ATP8B1: variants seen among roughly 807,000 people sequenced by gnomAD.
The protein encoded by ATP8B1 is phospholipid-transporting ATPase IC.
In ATP8B1, 80 loss-of-function variants were observed where a neutral mutation model predicts 149.9. The observed-to-expected ratio is 0.53, with a 90% CI of 0.45 to 0.64. ATP8B1 has a LOEUF of 0.64. Ranked by LOEUF, ATP8B1 falls within the 30% of genes least tolerant of loss-of-function variation. ATP8B1 has a pLI of 0.00. For synonymous variants in ATP8B1, 536 were observed against 562.8 expected (o/e 0.95, Z 0.67); for missense variants, 1,247 against 1,552.6 (o/e 0.80, Z 3.31).
intron 1 of ATP8B1, among the ~76,000 whole-genome samples, chr18:57,759,155 C>CAAAAAAAAAAAAAAAAAAAAAAAAAAA (rs566728161): frequency 2.1e-4 from 22 of 106,292 alleles, no homozygotes; most frequent in South Asian, 7.0e-4. Context: ...GATTCCATCT[C>CAAAAAAAAAAAAAAAAAAAAAAAAAAA]AAAAAAAAAA....
chr18:57,671,512 G>A lies in ATP8B1; in HGVS notation c.1888C>T (p.His630Tyr), dbSNP rs202100663. ...GADTVIYERL[H>Y]RMNPTKQETQ... ...TCTTGCTTAGTAGGATTCATTCGAT[G>A]TAACCGTTCATAAATAACAGTGTCA... Residue 630 changes from histidine (H) to tyrosine (Y), a missense_variant, in exon 17 of 28, where the codon CAT becomes TAT. This residue lies in a region of ATP8B1 where 853 missense variants were observed against 1,035.7 expected (regional missense o/e 0.82). Coordinates refer to ENST00000648908, the MANE Select transcript of ATP8B1 (RefSeq NM_001374385.1). The A allele has an allele frequency of 4.0e-5, 65 of 1,614,104 alleles. No individual in the cohort carries two copies. The African/African-American group carries it at 7.2e-4, about 18-fold the overall frequency.
At chr18:57,751,691 T>A (rs1413880052) in intron 1 of ATP8B1, among the ~76,000 whole-genome samples, 1 of 152,202 alleles carries the variant, frequency 6.6e-6, no homozygotes, top group Non-Finnish European at 1.5e-5. Context: ...AGGCTCTATC[T>A]GCTCTGACTG....
Position 57,661,440 on chromosome 18 carries a change from T to C in ATP8B1, c.2441A>G (p.Lys814Arg), listed in dbSNP as rs772076207. The C allele has an allele frequency of 1.9e-6, 3 of 1,613,342 alleles. No individual in the cohort carries two copies. The East Asian group carries it at 6.7e-5, about 36-fold the overall frequency. ...CTTCAGAATCTTATTTCTCTTGGTCTTTTTCTCGAGAAGAATTTCATTCTG... is the reference window on the plus strand; with the variant it reads ...CTTCAGAATCTTATTTCTCTTGGTCCTTTTCTCGAGAAGAATTTCATTCTG... ...SWLNEILLEK[K>R]TKRNKILKLK... The change falls in exon 22 of 28, where the codon AAG becomes AGG. Residue 814 changes from lysine (K) to arginine (R), a missense_variant. Physicochemically the swap from Lys to Arg is conservative, Grantham distance 26. Transcript: ENST00000648908.
chr18:57,697,542 A>G, intron 8 of ATP8B1, 76 bp downstream of exon 8: 1 of 1,509,066 alleles, frequency 6.6e-7, no homozygotes, highest in Non-Finnish European at 9.2e-7. Context: ...CGTCTGGTCC[A>G]CAATGCCCCG....
intron 1 of ATP8B1, among the ~76,000 whole-genome samples, chr18:57,797,804 T>C (rs2080530491): frequency 6.9e-6 from 1 of 144,282 alleles, no homozygotes; most frequent in African/African-American, 2.6e-5. Context: ...CCTCCCAGGC[T>C]CAAGCAATTC....
rs199868271 is a variant in ATP8B1, at chr18:57,697,718, C to T, written c.628-30G>A. ...CCAAAACAAAACACACAAATAACAC[C>T]GAGACCCTGAGGGAAAAGCCGAGCA... On this transcript the variant is annotated intron_variant, in intron 7 of 27. Transcript: ENST00000648908. 8.1e-6 allele frequency: 13 copies of T among 1,613,672 alleles called. No homozygotes were observed. The highest frequency in any genetic ancestry group is 4.5e-5 in the East Asian group (2 of 44,872).
chr18:57,738,346 G>A (rs548487440), intron 1 of ATP8B1, among the ~76,000 whole-genome samples: 4 of 152,282 alleles, frequency 2.6e-5, no homozygotes, highest in African/African-American at 7.2e-5. Context: ...GAAACAGACC[G>A]GATGCGGTGG....
Position 57,802,796 on chromosome 18 carries a change from G to T in ATP8B1, c.-26+202C>A, listed in dbSNP as rs1451115738. 1.3e-5 allele frequency among the ~76,000 whole-genome samples: 2 copies of T among 152,100 alleles called. No homozygotes were observed. The highest frequency in any genetic ancestry group is 1.3e-4 in the Admixed American group (2 of 15,280). On this transcript the variant is annotated intron_variant, in intron 1 of 27. Coordinates refer to ENST00000648908, the MANE Select transcript of ATP8B1 (RefSeq NM_001374385.1). This position sits in a 1 kb window ranked among gnomAD's most constrained non-coding sequence, Gnocchi z 4.9. ...CCTGCCCAGCCGGCCGTGTCTCGCC[G>T]TCCCCGAGGCCTCGGGGGCTCCCAG...
At chr18:57,736,040 T>C (rs941643802) in intron 1 of ATP8B1, among the ~76,000 whole-genome samples, 1 of 149,576 alleles carries the variant, frequency 6.7e-6, no homozygotes, top group Non-Finnish European at 1.5e-5. Context: ...GTTCTCATTG[T>C]TCAGCTCCTG....
intron 1 of ATP8B1, among the ~76,000 whole-genome samples, chr18:57,754,675 A>G (rs1325336845): frequency 6.6e-6 from 1 of 152,164 alleles, no homozygotes; most frequent in African/African-American, 2.4e-5. Context: ...ACATCACCAA[A>G]TTGACACTTC....
At chr18:57,764,306 CTTCTTTCTTTCTTTCTTT>C (rs1316494185) in intron 1 of ATP8B1, among the ~76,000 whole-genome samples, 18 of 149,100 alleles carry the variant, frequency 1.2e-4, no homozygotes, top group Admixed American at 2.7e-4. Context: ...TTCTTCCTTC[CTTCTTTCTTTCTTTCTTT>C]TTCTTTCTTT....
At chr18:57,672,965 C>G (rs1158314003) in intron 16 of ATP8B1, among the ~76,000 whole-genome samples, 9,249 of 33,160 alleles carry the variant, frequency 0.28, 1,627 homozygotes, top group Middle Eastern at 0.55. Context: ...ATACATATAT[C>G]TACATATATA....
chr18:57,767,633 C>G (rs1599216398), intron 1 of ATP8B1, among the ~76,000 whole-genome samples: 1 of 152,054 alleles, frequency 6.6e-6, no homozygotes, highest in Non-Finnish European at 1.5e-5. Context: ...ACTAAAATAA[C>G]AAAAAATTAA....
At chr18:57,746,100 C>T (rs1292151735) in intron 1 of ATP8B1, among the ~76,000 whole-genome samples, 1 of 152,182 alleles carries the variant, frequency 6.6e-6, no homozygotes, top group Non-Finnish European at 1.5e-5. Context: ...ATAACTGCAG[C>T]TTTGTAAATA....
chr18:57,710,393 T>G (rs1422387310), intron 2 of ATP8B1, among the ~76,000 whole-genome samples: 2 of 151,896 alleles, frequency 1.3e-5, no homozygotes, highest in Non-Finnish European at 2.9e-5. Context: ...CTCTCCAGAG[T>G]GTTCCCATGA....
chr18:57,794,796 GAAAGA>G (rs2080495906), intron 1 of ATP8B1, among the ~76,000 whole-genome samples: 1 of 67,180 alleles, frequency 1.5e-5, no homozygotes, highest in South Asian at 4.2e-4. Flanking sequence ...GCCTCAAAAA[GAAAGA>G]AAGAAAGAAA....
intron 2 of ATP8B1, among the ~76,000 whole-genome samples, chr18:57,729,174 G>A (rs192361766): frequency 2.4e-4 from 37 of 152,186 alleles, no homozygotes; most frequent in African/African-American, 7.2e-4. Flanking sequence ...CACTACATGC[G>A]TCTCTGACAT....
intron 1 of ATP8B1, among the ~76,000 whole-genome samples, chr18:57,748,325 A>G (rs981372807): frequency 3.3e-5 from 5 of 152,238 alleles, no homozygotes; most frequent in African/African-American, 1.2e-4. Flanking sequence ...AGGGGTAACC[A>G]GAATAAAATC....
chr18:57,700,440 G>A (rs537561577), intron 6 of ATP8B1, among the ~76,000 whole-genome samples: 5 of 151,574 alleles, frequency 3.3e-5, no homozygotes, highest in Non-Finnish European at 7.4e-5. Flanking sequence ...ACGTCCACTG[G>A]GTATATCATT....
Sources: gnomAD v4.1 joint callset for allele counts (sites outside exome capture counted in the v4.1 genomes callset) on GRCh38, gnomAD v4.1.1 for gene constraint, gnomAD v4.1.1 regional missense constraint, Gnocchi (gnomAD v3.1) non-coding constraint, MANE v1.5 for transcripts, NCBI Gene and HGNC (gene_info 2026-07-23, HGNC 2026-07-21) for gene names.